The following COL26A1 variants were observed in gnomAD, a reference collection of about 807,000 sequenced individuals.
The protein encoded by COL26A1 is collagen type XXVI alpha 1 chain, also known as collagen alpha-1(XXVI) chain.
COL26A1 carries 41 observed loss-of-function variants against 59.3 expected under a neutral mutation model. The ratio of observed to expected loss-of-function variants is 0.69; its 90% CI spans 0.54 to 0.90. The LOEUF (loss-of-function observed/expected upper bound fraction) is 0.90. Ranked by LOEUF, COL26A1 falls within the 40% of genes least tolerant of loss-of-function variation. The probability of loss-of-function intolerance (pLI) is 0.00; values close to 1 mark genes in which losing one functional copy is unlikely to be tolerated. For synonymous variants in COL26A1, 266 were observed against 256.0 expected (o/e 1.04, Z -0.37); for missense variants, 612 against 602.3 (o/e 1.02, Z -0.17).
At chr7:101,504,116 TTGGGGACACAG>T (rs1794758356) in intron 3 of COL26A1, among the ~76,000 whole-genome samples, 1 of 151,994 alleles carries the variant, frequency 6.6e-6, no homozygotes, top group Non-Finnish European at 1.5e-5. Flanking sequence ...TTTTTTTTCT[TTGGGGACACAG>T]TCTTACTCCA....
chr7:101,519,324 C>A (rs1212133091), intron 3 of COL26A1, among the ~76,000 whole-genome samples: 2 of 152,140 alleles, frequency 1.3e-5, no homozygotes, highest in African/African-American at 4.8e-5. Context: ...TTAGTTTTTC[C>A]CCTAGAGACA....
rs866832119 is a variant in COL26A1, at chr7:101,554,782, A to C, written c.1081-1005A>C. Among the ~76,000 whole-genome samples the C allele has an allele frequency of 3.9e-5, 6 of 151,902 alleles. No individual in the cohort carries two copies. In the South Asian group the frequency reaches 1.3e-3, roughly 32 times the overall value. On this transcript the variant is annotated intron_variant, in intron 11 of 12. Transcript: ENST00000313669. Reference sequence around the variant, plus strand: ...AACCCCAAAAAACAAAAACAAAAAAACCAACCACCTGTGGCTTAGGAACAT... The same window carrying C: ...AACCCCAAAAAACAAAAACAAAAAACCCAACCACCTGTGGCTTAGGAACAT...
intron 3 of COL26A1, among the ~76,000 whole-genome samples, chr7:101,454,320 A>G (rs1193556065): frequency 2.8e-5 from 4 of 143,384 alleles, no homozygotes; most frequent in Non-Finnish European, 4.5e-5. Flanking sequence ...ACTGGAGTGC[A>G]ATGGCATGAT....
At chr7:101,367,034 C>T (rs535681547) in intron 1 of COL26A1, among the ~76,000 whole-genome samples, 3 of 152,270 alleles carry the variant, frequency 2.0e-5, no homozygotes, top group Non-Finnish European at 4.4e-5. Flanking sequence ...GCAATGTCCA[C>T]GTACTAGTTT....
At chr7:101,386,031 A>T (rs1791566325) in intron 1 of COL26A1, among the ~76,000 whole-genome samples, 1 of 152,196 alleles carries the variant, frequency 6.6e-6, no homozygotes, top group Non-Finnish European at 1.5e-5. Flanking sequence ...TATGTTGGTT[A>T]TACCTCAGAG....
intron 3 of COL26A1, among the ~76,000 whole-genome samples, chr7:101,522,383 T>G (rs1426593266): frequency 6.6e-6 from 1 of 152,074 alleles, no homozygotes; most frequent in Non-Finnish European, 1.5e-5. Context: ...AACAAAATAT[T>G]GGACACTGGG....
intron 2 of COL26A1, among the ~76,000 whole-genome samples, chr7:101,429,589 C>CTTTTTTTTTTTTTTTTTTTTTTTTTTCT (rs58432413): frequency 1.3e-5 from 1 of 78,700 alleles, no homozygotes; most frequent in East Asian, 3.0e-4. Context: ...TTCTTTTTTA[C>CTTTTTTTTTTTTTTTTTTTTTTTTTTCT]TTTTTTTTTT....
intron 3 of COL26A1, among the ~76,000 whole-genome samples, chr7:101,486,909 C>T (rs1198153712): frequency 6.6e-6 from 1 of 152,204 alleles, no homozygotes; most frequent in Non-Finnish European, 1.5e-5. Context: ...CCAGGGAGGC[C>T]GTGGCCCTGT....
At chr7:101,432,089 T>C (rs900518878) in intron 2 of COL26A1, among the ~76,000 whole-genome samples, 19 of 151,574 alleles carry the variant, frequency 1.3e-4, no homozygotes, top group African/African-American at 4.4e-4. Flanking sequence ...GCTTCCCGAG[T>C]AGCGGGGATT....
intron 3 of COL26A1, among the ~76,000 whole-genome samples, chr7:101,463,946 T>C (rs1258330454): frequency 2.0e-5 from 3 of 148,398 alleles, no homozygotes. Context: ...TTCTTAATCT[T>C]TCTCTCTCTC....
At chr7:101,502,569 G>A (rs1794727250) in intron 3 of COL26A1, among the ~76,000 whole-genome samples, 1 of 152,254 alleles carries the variant, frequency 6.6e-6, no homozygotes, top group East Asian at 1.9e-4. Flanking sequence ...TCAGGGACTG[G>A]CAGGTGCTGT....
intron 9 of COL26A1, 98 bp downstream of exon 9, chr7:101,549,321 GTCAC>G: frequency 2.6e-6 from 2 of 755,672 alleles, no homozygotes; most frequent in Admixed American, 2.6e-5. Flanking sequence ...ACCAGCAAGA[GTCAC>G]TCAGGAAGGA....
chr7:101,388,977 G>C, intron 1 of COL26A1: 1 of 297,056 alleles, frequency 3.4e-6, no homozygotes. Context: ...GACAAGGACA[G>C]GATTTTGGCC....
chr7:101,453,464 C>T (rs114931495), intron 3 of COL26A1, among the ~76,000 whole-genome samples: 1,579 of 152,340 alleles, frequency 0.01, 29 homozygotes, highest in African/African-American at 0.036. Flanking sequence ...CCAGAAACAT[C>T]TGGAGTTCTT....
At chr7:101,370,709 C>G (rs201040567) in intron 1 of COL26A1, among the ~76,000 whole-genome samples, 1 of 152,110 alleles carries the variant, frequency 6.6e-6, no homozygotes, top group East Asian at 1.9e-4. Context: ...TTCAAACTCT[C>G]TCTGTCTCTG....
At chr7:101,452,994 G>C (rs562888402) in intron 3 of COL26A1, among the ~76,000 whole-genome samples, 1 of 152,094 alleles carries the variant, frequency 6.6e-6, no homozygotes, top group African/African-American at 2.4e-5. Flanking sequence ...CAAGTGATCT[G>C]CCCGCCCCCG....
At chr7:101,477,133 C>G (rs553128782) in intron 3 of COL26A1, among the ~76,000 whole-genome samples, 1 of 152,210 alleles carries the variant, frequency 6.6e-6, no homozygotes, top group Non-Finnish European at 1.5e-5. Context: ...CATGAGCCAC[C>G]GAGCCCGGCC....
chr7:101,387,992 A>G (rs921976302), intron 1 of COL26A1, among the ~76,000 whole-genome samples: 12 of 150,852 alleles, frequency 8.0e-5, no homozygotes, highest in South Asian at 2.1e-4. Flanking sequence ...TCGGACTCCC[A>G]GCCTCAAGTG....
chr7:101,514,504 G>C (rs1462539961), intron 3 of COL26A1, among the ~76,000 whole-genome samples: 2 of 152,158 alleles, frequency 1.3e-5, no homozygotes, highest in Admixed American at 6.5e-5. Flanking sequence ...ACCCAGGGTT[G>C]TCCCCAACAA....
Sources: allele counts gnomAD v4.1 joint callset (sites outside exome capture counted in the v4.1 genomes callset), GRCh38; gene constraint gnomAD v4.1.1; transcripts MANE v1.5; gene names NCBI Gene and HGNC (gene_info 2026-07-23, HGNC 2026-07-21).